The following ATG10 variants were observed in gnomAD, a reference collection of about 807,000 sequenced individuals.
ATG10 encodes the protein ubiquitin-like-conjugating enzyme ATG10.
In ATG10, 30 loss-of-function variants were observed where a neutral mutation model predicts 32.1. The ratio of observed to expected loss-of-function variants is 0.94; its 90% confidence interval spans 0.70 to 1.27. The LOEUF (loss-of-function observed/expected upper bound fraction) is 1.27. Ranked by LOEUF, ATG10 falls within the 50% of genes most tolerant of loss-of-function variation. The probability of loss-of-function intolerance (pLI) is 0.00; values close to 1 mark genes in which losing one functional copy is unlikely to be tolerated. For synonymous variants in ATG10, 87 were observed against 91.5 expected, an observed-to-expected ratio of 0.95 and a Z score of 0.28; for missense variants, 233 against 262.3, an observed-to-expected ratio of 0.89 and a Z score of 0.77.
At chr5:82,205,851 T>G (rs2149970579) in intron 5 of ATG10, among the ~76,000 whole-genome samples, 1 of 152,262 alleles carries the variant, frequency 6.6e-6, no homozygotes, top group African/African-American at 2.4e-5. Flanking sequence ...AAATTTGGGA[T>G]TTTTGCAAGG....
chr5:82,008,384 T>C (rs906017694), intron 2 of ATG10, among the ~76,000 whole-genome samples: 8 of 152,160 alleles, frequency 5.3e-5, no homozygotes, highest in Non-Finnish European at 1.0e-4. Context: ...TCCTAGTCAG[T>C]TATACTAGAT....
At chr5:82,166,172 G>A (rs1561335718) in intron 4 of ATG10, among the ~76,000 whole-genome samples, 2 of 152,128 alleles carry the variant, frequency 1.3e-5, no homozygotes, top group South Asian at 2.1e-4. Context: ...AATGACATTG[G>A]TGTAGTTTCT....
At chr5:82,068,799 G>T (rs1219581079) in intron 3 of ATG10, among the ~76,000 whole-genome samples, 13 of 149,190 alleles carry the variant, frequency 8.7e-5, no homozygotes, top group Non-Finnish European at 1.6e-4. Context: ...GTTGTTGGGG[G>T]TTTCAAACTT....
intron 2 of ATG10, among the ~76,000 whole-genome samples, chr5:82,020,466 G>T (rs1270943863): frequency 1.3e-5 from 2 of 152,196 alleles, no homozygotes; most frequent in Non-Finnish European, 2.9e-5. Context: ...GTGAGATATT[G>T]CTACATAATA....
At chr5:82,157,561 A>G (rs534045565) in intron 3 of ATG10, among the ~76,000 whole-genome samples, 3 of 152,226 alleles carry the variant, frequency 2.0e-5, no homozygotes, top group Admixed American at 6.5e-5. Flanking sequence ...AACAAACAAA[A>G]CAAGAGCTGA....
At chr5:82,137,034 T>A (rs928855921) in intron 3 of ATG10, among the ~76,000 whole-genome samples, 1 of 152,142 alleles carries the variant, frequency 6.6e-6, no homozygotes, top group African/African-American at 2.4e-5. Context: ...TGCTTGAAGT[T>A]CTCATGCTGT....
chr5:82,141,082 A>T, intron 3 of ATG10, among the ~76,000 whole-genome samples: 1 of 121,982 alleles, frequency 8.2e-6, no homozygotes, highest in African/African-American at 3.0e-5. Context: ...GGACACAAAC[A>T]CTGCGGAAGG....
chr5:82,015,565 A>C (rs190808210), intron 2 of ATG10, among the ~76,000 whole-genome samples: 6 of 152,074 alleles, frequency 3.9e-5, no homozygotes, highest in African/African-American at 1.4e-4. Context: ...TTCTCGCTTC[A>C]ATTCATTCAT....
At chr5:82,199,037 G>T (rs1310853036) in intron 5 of ATG10, among the ~76,000 whole-genome samples, 1 of 152,118 alleles carries the variant, frequency 6.6e-6, no homozygotes, top group Non-Finnish European at 1.5e-5. Context: ...CAGCCACAGG[G>T]AATCTTCAAT....
intron 3 of ATG10, among the ~76,000 whole-genome samples, chr5:82,114,473 A>G (rs1765721179): frequency 6.6e-6 from 1 of 152,098 alleles, no homozygotes; most frequent in African/African-American, 2.4e-5. Context: ...CACAATAGCA[A>G]TAATAATTTT....
chr5:82,062,188 T>G (rs1220172077), intron 3 of ATG10, among the ~76,000 whole-genome samples: 1 of 152,058 alleles, frequency 6.6e-6, no homozygotes, highest in Admixed American at 6.6e-5. Context: ...AACAATCAAT[T>G]TACATAGAAA....
chr5:82,210,226 A>G (rs1745443731), intron 5 of ATG10, among the ~76,000 whole-genome samples: 1 of 152,176 alleles, frequency 6.6e-6, no homozygotes, highest in Non-Finnish European at 1.5e-5. Flanking sequence ...GATGTTGTGC[A>G]TATAAAAAAT....
chr5:82,020,493 G>A (rs1187414948), intron 2 of ATG10, among the ~76,000 whole-genome samples: 1 of 152,210 alleles, frequency 6.6e-6, no homozygotes, highest in African/African-American at 2.4e-5. Context: ...TCCAAACGTA[G>A]TGACTTAAAA....
At chr5:82,043,310 C>G (rs1763139623) in intron 2 of ATG10, among the ~76,000 whole-genome samples, 1 of 152,226 alleles carries the variant, frequency 6.6e-6, no homozygotes, top group Admixed American at 6.5e-5. Flanking sequence ...GGTGCCATGT[C>G]CTGAGGCTGG....
chr5:82,167,447 T>C (rs1416109449), intron 4 of ATG10, among the ~76,000 whole-genome samples: 1 of 152,158 alleles, frequency 6.6e-6, no homozygotes, highest in Admixed American at 6.5e-5. Flanking sequence ...AGTGAAACGA[T>C]AAAGAAGAAT....
intron 3 of ATG10, among the ~76,000 whole-genome samples, chr5:82,072,836 G>A (rs922859260): frequency 1.3e-5 from 2 of 152,140 alleles, no homozygotes; most frequent in African/African-American, 4.8e-5. Context: ...GTGATAGACT[G>A]AATCAGGTGG....
At position 82,249,393 on chromosome 5, in the gene ATG10, G is replaced by A. The variant is rs528058571; in HGVS notation, c.454-3169G>A. On this transcript the variant is annotated intron_variant, in intron 5 of 7. Transcript: ENST00000282185. ...AATATGCTACTTAATTTACAGGAACGTCCTATTTTTAGATTGAAATTTGGC... is the reference window on the plus strand; with the variant it reads ...AATATGCTACTTAATTTACAGGAACATCCTATTTTTAGATTGAAATTTGGC... 1.6e-4 allele frequency among the ~76,000 whole-genome samples: 25 copies of A among 152,210 alleles called. 1 individual carries two copies. The highest frequency in any genetic ancestry group is 1.2e-3 in the Admixed American group (19 of 15,290).
intron 5 of ATG10, among the ~76,000 whole-genome samples, chr5:82,219,455 G>A (rs1319786719): frequency 6.6e-6 from 1 of 152,186 alleles, no homozygotes; most frequent in Non-Finnish European, 1.5e-5. Context: ...ACTAGGTCCT[G>A]CAGACACATA....
intron 3 of ATG10, among the ~76,000 whole-genome samples, chr5:82,077,543 A>T (rs1764318801): frequency 6.6e-6 from 1 of 152,168 alleles, no homozygotes; most frequent in East Asian, 1.9e-4. Context: ...TAGCTGTAAA[A>T]GAGACTATGC....
Sources: gnomAD v4.1 joint callset for allele counts (sites outside exome capture counted in the v4.1 genomes callset) on GRCh38, gnomAD v4.1.1 for gene constraint, MANE v1.5 for transcripts, NCBI Gene and HGNC (gene_info 2026-07-23, HGNC 2026-07-21) for gene names.